KLC1: variants seen among roughly 807,000 people sequenced by gnomAD.
KLC1 encodes the protein kinesin 2 60/70kDa.
A neutral mutation model predicts 84.2 loss-of-function variants in KLC1; 30 were observed. That is an observed-to-expected ratio of 0.36 (90% confidence interval 0.27 to 0.48). The LOEUF (loss-of-function observed/expected upper bound fraction) is 0.48, where lower values mean the gene tolerates loss of function less well. Ranked by LOEUF, KLC1 falls within the 20% of genes least tolerant of loss-of-function variation. KLC1 has a pLI of 0.99. For missense variants in KLC1, 499 were observed against 805.4 expected (o/e 0.62, Z 4.60); for synonymous variants, 289 against 293.3 (o/e 0.99, Z 0.15).
At chr14:103,696,380 A>G (rs2082522123) in intron 15 of KLC1, 2 of 985,398 alleles carry the variant, frequency 2.0e-6, no homozygotes, top group Non-Finnish European at 2.4e-6. Flanking sequence ...AGGGATTCAC[A>G]TCGTTGTTTT....
chr14:103,654,912 G>A (rs2078714445), intron 2 of KLC1, 87 bp downstream of exon 2: 3 of 1,406,520 alleles, frequency 2.1e-6, no homozygotes, highest in Admixed American at 4.2e-5. Flanking sequence ...CACTAAAGAA[G>A]AGGAAAGATG....
rs201154884 is a variant in KLC1 at position 103,700,741 on chromosome 14, C to T, written c.*1+14C>T. 129 of 1,561,226 alleles carry T rather than the reference C, an allele frequency of 8.3e-5. No individual in the cohort carries two copies. Among genetic ancestry groups the T allele is most frequent in the Non-Finnish European group, 1.1e-4 (124 of 1,152,784 alleles). ...GCCACCGCTAACGTGAGTCCCACGG[C>T]CTGCAGCCCCAGGAAGCAGGCAGCT... is the stretch of plus-strand genomic sequence containing the variant. On this transcript the variant is annotated intron_variant, in intron 16 of 16. Transcript: ENST00000334553.
chr14:103,670,275 C>A lies in KLC1; in HGVS notation c.979C>A (p.Arg327=), dbSNP rs746420158. The A allele has an allele frequency of 3.1e-6, 5 of 1,607,032 alleles. No individual in the cohort carries two copies. In the East Asian group the frequency reaches 8.9e-5, roughly 29 times the overall value. The stretch of plus-strand genomic sequence containing the variant: ...GTTGTGTAAAAGAGCTCTGGAAATC[C>A]GAGAAAAGGTACAAAAGAAGGGGGC... ...EPLCKRALEI[R]EKVLGKDHPD... The change falls in exon 7 of 17, where the codon CGA becomes AGA. Residue 327 remains arginine (R), a synonymous_variant. Transcript: ENST00000334553.
intron 1 of KLC1, among the ~76,000 whole-genome samples, chr14:103,651,259 C>T (rs984597190): frequency 3.3e-5 from 5 of 151,964 alleles, no homozygotes; most frequent in Admixed American, 1.3e-4. Context: ...CCGCCAGCCT[C>T]GGCCTCCCAG....
Position 103,675,723 on chromosome 14 carries a change from A to T in KLC1, c.1346A>T (p.Tyr449Phe), listed in dbSNP as rs140877582. The T allele has an allele frequency of 6.2e-7, 1 of 1,614,052 alleles. No individual in the cohort carries two copies. Among genetic ancestry groups the T allele is most frequent in the African/African-American group, 1.3e-5 (1 of 75,050 alleles). ...KQKDGTSFGE[Y>F]GGWYKACKVD... The stretch of plus-strand genomic sequence containing the variant: ...AAGGATGGGACATCTTTTGGAGAGT[A>T]TGGCGGCTGGTACAAAGCCTGCAAA... Residue 449 changes from tyrosine (Y) to phenylalanine (F), a missense_variant, in exon 11 of 17, where the codon TAT (tyrosine) becomes TTT (phenylalanine). Coordinates refer to ENST00000334553, the MANE Select transcript of KLC1 (RefSeq NM_001394837.1).
At chr14:103,649,000 G>A (rs1169617294) in intron 1 of KLC1, among the ~76,000 whole-genome samples, 1 of 151,750 alleles carries the variant, frequency 6.6e-6, no homozygotes, top group Admixed American at 6.6e-5. Context: ...AGCTGGGTAT[G>A]GTGGTGCATG....
intron 3 of KLC1, among the ~76,000 whole-genome samples, chr14:103,659,224 C>CA (rs2151542106): frequency 6.6e-6 from 1 of 152,310 alleles, no homozygotes; most frequent in African/African-American, 2.4e-5. Flanking sequence ...CTCGGCCTCC[C>CA]AAAGTGCTGG....
intron 15 of KLC1, chr14:103,697,610 C>G (rs1444426275): frequency 2.0e-5 from 3 of 152,364 alleles, no homozygotes; most frequent in African/African-American, 7.2e-5. Flanking sequence ...GAAGCAGGTC[C>G]TGGAACTGCA....
In KLC1 at chr14:103,679,539, G is replaced by A; in HGVS notation, c.1644G>A (p.Trp548Ter). ...AGGAAGTGAGTATGAGCGTAGAGTG[G>A]AACGGGGTAAGTACAGTACACAGCG... is the stretch of plus-strand genomic sequence containing the variant. ...GGEEVSMSVE[W>*]NGDGTGSLKR... The change falls in exon 13 of 17, where the codon TGG becomes TGA. Residue 548 changes from tryptophan to a stop codon, truncating the protein, a stop_gained. Coordinates refer to ENST00000334553, the MANE Select transcript of KLC1 (RefSeq NM_001394837.1). LOFTEE classifies it high-confidence loss of function. 6.2e-7 allele frequency: 1 copy of A among 1,613,586 alleles called. No individual in the cohort carries two copies. Among genetic ancestry groups the A allele is most frequent in the Non-Finnish European group, 8.5e-7 (1 of 1,179,540 alleles).
intron 1 of KLC1, among the ~76,000 whole-genome samples, chr14:103,652,876 T>A (rs369435991): frequency 2.0e-5 from 3 of 152,206 alleles, no homozygotes; most frequent in African/African-American, 7.2e-5. Context: ...AACTTCCAAA[T>A]TTTAAAAGGA....
At chr14:103,675,865 C>G in intron 11 of KLC1, 109 bp downstream of exon 11, 1 of 836,706 alleles carries the variant, frequency 1.2e-6, no homozygotes, top group South Asian at 1.6e-5. Flanking sequence ...CTTAAGTGCA[C>G]AGTCCCATGT....
intron 1 of KLC1, among the ~76,000 whole-genome samples, chr14:103,643,812 C>T (rs974178976): frequency 1.3e-5 from 2 of 152,092 alleles, no homozygotes; most frequent in African/African-American, 2.4e-5. Flanking sequence ...CCTGTAATCC[C>T]AGCTACTCGG....
intron 5 of KLC1, among the ~76,000 whole-genome samples, chr14:103,667,861 A>C (rs983622580): frequency 2.0e-5 from 3 of 152,196 alleles, no homozygotes; most frequent in African/African-American, 7.2e-5. Flanking sequence ...ATGTGTGCTA[A>C]GTCTCAAAAG....
chr14:103,639,929 AT>A (rs143866755), intron 1 of KLC1, among the ~76,000 whole-genome samples: 1 of 147,238 alleles, frequency 6.8e-6, no homozygotes, highest in African/African-American at 2.5e-5. Context: ...TAATTTTGGT[AT>A]TTTTTTTTAG....
At chr14:103,632,444 A>G (rs1595190233) in intron 1 of KLC1, among the ~76,000 whole-genome samples, 3 of 151,152 alleles carry the variant, frequency 2.0e-5, no homozygotes, top group Admixed American at 2.0e-4. Flanking sequence ...TCAGCCGTGC[A>G]GTGGCTCACT....
At chr14:103,668,065 T>C (rs1035900039) in intron 5 of KLC1, among the ~76,000 whole-genome samples, 1 of 152,236 alleles carries the variant, frequency 6.6e-6, no homozygotes, top group Non-Finnish European at 1.5e-5. Context: ...TTTTAAAATA[T>C]TTTTTCAGTA....
chr14:103,648,376 G>A (rs1027690010), intron 1 of KLC1, among the ~76,000 whole-genome samples: 2 of 152,216 alleles, frequency 1.3e-5, no homozygotes, highest in Non-Finnish European at 2.9e-5. Context: ...TTGCGATACA[G>A]GTATTTAATC....
In KLC1 at chr14:103,634,222, C is replaced by T. The variant is rs2076889372; in HGVS notation, c.-2+4728C>T. Among the ~76,000 whole-genome samples, 2 of 152,140 alleles carry T rather than the reference C, an allele frequency of 1.3e-5. 1 individual carries two copies. The highest frequency in any genetic ancestry group is 4.1e-4 in the South Asian group (2 of 4,834). The stretch of plus-strand genomic sequence containing the variant: ...ATTTTTATTGTTTGTCTCCACTTAA[C>T]ATTCATAACCTCCACAAGGATGGGG... On this transcript the variant is annotated intron_variant, in intron 1 of 16. Coordinates refer to ENST00000334553, the MANE Select transcript of KLC1 (RefSeq NM_001394837.1).
intron 3 of KLC1, among the ~76,000 whole-genome samples, chr14:103,658,882 C>A (rs961439937): frequency 6.6e-6 from 1 of 151,944 alleles, no homozygotes; most frequent in African/African-American, 2.4e-5. Flanking sequence ...TGGTCTTGAT[C>A]TCCTGACCTT....
Sources: allele counts gnomAD v4.1 joint callset (sites outside exome capture counted in the v4.1 genomes callset), GRCh38; gene constraint gnomAD v4.1.1; transcripts MANE v1.5; gene names NCBI Gene and HGNC (gene_info 2026-07-23, HGNC 2026-07-21).